Variants in ING1 observed in about 807,000 individuals in gnomAD.
The protein encoded by ING1 is inhibitor of growth protein 1.
ING1 carries 4 observed loss-of-function variants against 23.1 expected under a neutral mutation model. That is an observed-to-expected ratio of 0.17 (90% CI 0.09 to 0.40). The LOEUF is 0.40. ING1 is among the 10% of genes least tolerant of loss of function. The pLI is 1.00. For missense variants in ING1, 256 were observed against 393.8 expected (o/e 0.65, Z 2.96); for synonymous variants, 179 against 166.4 (o/e 1.08, Z -0.58).
Position 110,715,518 on chromosome 13 carries a change from C to T in ING1, c.136+1233C>T, listed in dbSNP as rs748267216. 4.6e-5 allele frequency: 74 copies of T among 1,613,988 alleles called. 2 individuals carry two copies. The South Asian group carries it at 7.8e-4, about 17-fold the overall frequency. On this transcript the variant is annotated intron_variant, in intron 1 of 1. Coordinates refer to ENST00000333219, the MANE Select transcript of ING1 (RefSeq NM_198219.3). ...CTGAGGCGGATGAAGGCGGGCCTAG[C>T]GCAATAACTGGTATGGGTCTGTGTT...
chr13:110,718,673 TAAAGA>T (rs973133991), intron 1 of ING1, among the ~76,000 whole-genome samples: 4 of 152,124 alleles, frequency 2.6e-5, no homozygotes, highest in African/African-American at 9.6e-5. Context: ...TATATTAAAA[TAAAGA>T]AAATAAAGAC....
Position 110,717,414 on chromosome 13 carries a change from C to A in ING1, c.137-1815C>A, listed in dbSNP as rs74125078. ...AGAAGCTTCAGCGTTGGCCTGAGTT[C>A]TTATGTTTACTCTAGTGTTAGGTAT... On this transcript the variant is annotated intron_variant, in intron 1 of 1. Coordinates refer to ENST00000333219, the MANE Select transcript of ING1 (RefSeq NM_198219.3). 5.1e-3 allele frequency among the ~76,000 whole-genome samples: 780 copies of A among 152,214 alleles called. 7 individuals carry two copies. The highest frequency in any genetic ancestry group is 0.018 in the African/African-American group (756 of 41,524).
At chr13:110,715,719 C>G in intron 1 of ING1, 1 of 1,589,074 alleles carries the variant, frequency 6.3e-7, no homozygotes, top group Non-Finnish European at 8.6e-7. Flanking sequence ...CTCCGCCCTC[C>G]AAATCGGCGA....
At chr13:110,715,950 A>T in intron 1 of ING1, 1 of 1,548,796 alleles carries the variant, frequency 6.5e-7, no homozygotes, top group Non-Finnish European at 8.6e-7. Context: ...CGGCTCGGAG[A>T]CAGTTTCAGG....
In ING1 at chr13:110,720,043, A is replaced by G; in HGVS notation, c.*111A>G. 1.2e-6 allele frequency: 1 copy of G among 847,902 alleles called. No individual in the cohort carries two copies. Among genetic ancestry groups the G allele is most frequent in the Non-Finnish European group, 1.8e-6 (1 of 566,648 alleles). 52.5% of individuals were successfully genotyped at this position (847,902 alleles called of 1,614,324 possible). A position where few individuals can be genotyped will look rare whatever the true frequency, so the allele number is the denominator to read the frequency against. Reference sequence around the variant, plus strand: ...AAAATGTATATTTTTAAAGAATGTTAGTAAAGGAACCATTCCTTTCATAGG... The same window carrying G: ...AAAATGTATATTTTTAAAGAATGTTGGTAAAGGAACCATTCCTTTCATAGG... On this transcript the variant is annotated 3_prime_UTR_variant, in exon 2 of 2. Transcript: ENST00000333219.
At position 110,719,779 on chromosome 13, in the gene ING1, C is replaced by T. The variant is rs948223028; in HGVS notation, c.687C>T (p.Asp229=). The change falls in exon 2 of 2, where the codon GAC becomes GAT. Residue 229 remains aspartate, a synonymous_variant. Transcript: ENST00000333219. The surrounding 1 kb of genome is among the most constrained non-coding windows in gnomAD (Gnocchi z 8.9). The part of the protein sequence containing the change: ...SYGEMIGCDN[D]ECPIEWFHFS... Reference sequence around the variant, plus strand: ...GGGAGATGATCGGCTGCGACAACGACGAGTGCCCCATCGAGTGGTTCCACT... The same window carrying T: ...GGGAGATGATCGGCTGCGACAACGATGAGTGCCCCATCGAGTGGTTCCACT... The T allele has an allele frequency of 6.8e-6, 11 of 1,614,058 alleles. No homozygotes were observed. The highest frequency in any genetic ancestry group is 2.2e-5 in the East Asian group (1 of 44,836).
chr13:110,717,860 T>C (rs1265166564), intron 1 of ING1, among the ~76,000 whole-genome samples: 1 of 152,162 alleles, frequency 6.6e-6, no homozygotes, highest in Non-Finnish European at 1.5e-5. Flanking sequence ...TGTTGCCTTG[T>C]TTAAAGAGAC....
rs1404783247 is a variant in ING1 at position 110,720,358 on chromosome 13, C to G, written c.*426C>G. On this transcript the variant is annotated 3_prime_UTR_variant, in exon 2 of 2. Coordinates refer to ENST00000333219, the MANE Select transcript of ING1 (RefSeq NM_198219.3). The stretch of plus-strand genomic sequence containing the variant: ...AATACAGCCTATAGTAAATGTGTTT[C>G]TTGCTGCCATGATGTATATCCATAT... The G allele has an allele frequency of 6.0e-6, 1 of 167,562 alleles. No homozygotes were observed. Among genetic ancestry groups the G allele is most frequent in the Non-Finnish European group, 1.5e-5 (1 of 68,670 alleles). 10.4% of individuals were successfully genotyped at this position (167,562 alleles called of 1,614,324 possible).
chr13:110,718,722 TA>T (rs2064144215), intron 1 of ING1, among the ~76,000 whole-genome samples: 2 of 151,804 alleles, frequency 1.3e-5, no homozygotes, highest in Admixed American at 6.6e-5. Context: ...TAATTTATAA[TA>T]TATTTTATTA....
intron 1 of ING1, chr13:110,716,049 G>T (rs758358823): frequency 5.4e-6 from 8 of 1,475,184 alleles, no homozygotes; most frequent in South Asian, 1.4e-5. Flanking sequence ...GACCCTCGGC[G>T]CAGAAACTTT....
At position 110,713,871 on chromosome 13, in the gene ING1, G is replaced by T; in HGVS notation, c.-279G>T. ...CGCGCTCGTACGCGCGGCCCCCGGC[G>T]CCAGCCCCGCCGCCTGAGAGGGGGC... is the stretch of plus-strand genomic sequence containing the variant. On this transcript the variant is annotated 5_prime_UTR_variant, in exon 1 of 2. Coordinates refer to ENST00000333219, the MANE Select transcript of ING1 (RefSeq NM_198219.3). The T allele has an allele frequency of 1.0e-6, 1 of 981,362 alleles. No homozygotes were observed. Among genetic ancestry groups the T allele is most frequent in the South Asian group, 4.7e-5 (1 of 21,278 alleles). The allele number at this position is 981,362 out of a possible 1,614,324, so 60.8% of individuals were successfully genotyped here. A position where few individuals can be genotyped will look rare whatever the true frequency, so the allele number is the denominator to read the frequency against.
intron 1 of ING1, chr13:110,714,989 G>T: frequency 1.0e-6 from 1 of 989,376 alleles, no homozygotes; most frequent in Non-Finnish European, 1.2e-6. Flanking sequence ...AGGAGCGGAG[G>T]CGGGGAAGGC....
chr13:110,719,941 C>T lies in ING1; in HGVS notation c.*9C>T, dbSNP rs1566383142. On this transcript the variant is annotated 3_prime_UTR_variant, in exon 2 of 2. Coordinates refer to ENST00000333219, the MANE Select transcript of ING1 (RefSeq NM_198219.3). The surrounding 1 kb of genome is among the most constrained non-coding windows in gnomAD (Gnocchi z 8.9). ...GGGCTTACAACAGGTAGTTTGTGGA[C>T]AGGCGCCTGGTGTGAGGAGGACAAA... 2.5e-6 allele frequency: 4 copies of T among 1,584,714 alleles called. No homozygotes were observed. Among genetic ancestry groups the T allele is most frequent in the South Asian group, 1.1e-5 (1 of 87,870 alleles).
At chr13:110,713,181 T>G, upstream of ING1, 7 of 1,427,104 alleles carry the variant, frequency 4.9e-6, no homozygotes, top group Non-Finnish European at 6.4e-6. Context: ...GTCAAAGTGA[T>G]GTTGGCAAGT....
Position 110,719,124 on chromosome 13 carries a change from C to G in ING1, c.137-105C>G, listed in dbSNP as rs1433874243. 1 of 1,101,044 alleles carries G rather than the reference C, an allele frequency of 9.1e-7. No individual in the cohort carries two copies. The highest frequency in any genetic ancestry group is 1.3e-6 in the Non-Finnish European group (1 of 765,074). The allele number at this position is 1,101,044 out of a possible 1,614,324, so 68.2% of individuals were successfully genotyped here. On this transcript the variant is annotated intron_variant, in intron 1 of 1. Transcript: ENST00000333219. The surrounding 1 kb of genome is among the most constrained non-coding windows in gnomAD (Gnocchi z 8.9). ...GGCTTTGTTCTGGGCAAGCCGTGCG[C>G]TGGCCCCTAGGCTCCCTGCCAGCCC...
At chr13:110,715,913 C>G (rs772270921) in intron 1 of ING1, 8 of 1,576,138 alleles carry the variant, frequency 5.1e-6, no homozygotes, top group African/African-American at 1.4e-5. Flanking sequence ...GGCTGCAGTT[C>G]GGACCGCCTC....
At chr13:110,714,425 C>A in intron 1 of ING1, 140 bp downstream of exon 1, 1 of 784,872 alleles carries the variant, frequency 1.3e-6, no homozygotes, top group Non-Finnish European at 1.7e-6. Flanking sequence ...GGGGCAGGAA[C>A]AAAAGGTCTG....
In ING1 at chr13:110,719,863, G is replaced by A. The variant is rs1176344017; in HGVS notation, c.771G>A (p.Arg257=). Residue 257 remains arginine (R), a synonymous_variant, in exon 2 of 2, where the codon CGG becomes CGA. Coordinates refer to ENST00000333219, the MANE Select transcript of ING1 (RefSeq NM_198219.3). The surrounding 1 kb of genome is among the most constrained non-coding windows in gnomAD (Gnocchi z 8.9). ...PKGKWYCPKC[R]GENEKTMDKA... ...GCAAGTGGTACTGTCCCAAGTGCCG[G>A]GGGGAGAACGAGAAGACCATGGACA... 4 of 1,613,302 alleles carry A rather than the reference G, an allele frequency of 2.5e-6. No individual in the cohort carries two copies. In the African/African-American group the frequency reaches 4.0e-5, roughly 16 times the overall value.
chr13:110,714,137 T>C lies in ING1; in HGVS notation c.-13T>C, dbSNP rs1331117236. 3.3e-6 allele frequency: 5 copies of C among 1,523,158 alleles called. No homozygotes were observed. The highest frequency in any genetic ancestry group is 3.5e-6 in the Non-Finnish European group (4 of 1,134,350). 94.4% of individuals were successfully genotyped at this position (1,523,158 alleles called of 1,614,324 possible). On this transcript the variant is annotated 5_prime_UTR_variant, in exon 1 of 2. Transcript: ENST00000333219. ...AAGCCGCGCCGAGTCGCCGGGGACC[T>C]CCGGGGTGAACCATGTTGAGTCCTG... is the stretch of plus-strand genomic sequence containing the variant.
Sources: allele counts gnomAD v4.1 joint callset (sites outside exome capture counted in the v4.1 genomes callset), GRCh38; gene constraint gnomAD v4.1.1; non-coding constraint Gnocchi (gnomAD v3.1); transcripts MANE v1.5; gene names NCBI Gene and HGNC (gene_info 2026-07-23, HGNC 2026-07-21).